The following SH2D3C variants were observed in gnomAD, a reference collection of about 807,000 sequenced individuals.
The protein encoded by SH2D3C is SH2 domain containing 3C, also known as SH2 domain-containing protein 3C.
SH2D3C carries 25 observed loss-of-function variants against 75.2 expected under a neutral mutation model. The observed-to-expected ratio is 0.33, with a 90% CI of 0.24 to 0.46. The LOEUF (loss-of-function observed/expected upper bound fraction) is 0.46, where lower values mean the gene tolerates loss of function less well. SH2D3C is among the 20% of genes least tolerant of loss of function. SH2D3C has a pLI of 1.00. For missense variants in SH2D3C, 933 were observed against 1,165.3 expected (o/e 0.80, Z 2.90); for synonymous variants, 450 against 473.7 (o/e 0.95, Z 0.65).
rs150913096 is a variant in SH2D3C, at chr9:127,741,800, C to T, written c.2076G>A (p.Leu692=). The part of the protein sequence containing the change: ...MFSFAAVMGA[L]DMAQISRLEQ... ...CGGCTCTCAGTACCTGGGCCATGTC[C>T]AGGGCACCCATGACCGCCGCGAAGC... The change falls in exon 9 of 12, where the codon CTG becomes CTA. Residue 692 remains leucine (L), a synonymous_variant. Coordinates refer to ENST00000314830, the MANE Select transcript of SH2D3C (RefSeq NM_170600.3). 18 of 1,612,954 alleles carry T rather than the reference C, an allele frequency of 1.1e-5. No homozygotes were observed. Among genetic ancestry groups the T allele is most frequent in the Non-Finnish European group, 1.4e-5 (16 of 1,179,906 alleles).
intron 3 of SH2D3C, chr9:127,755,090 C>G: frequency 8.3e-7 from 1 of 1,211,568 alleles, no homozygotes; most frequent in Non-Finnish European, 1.0e-6. Context: ...TGCACCTGCA[C>G]GAAGGAGCCG....
In SH2D3C at chr9:127,757,654, T is replaced by G. The variant is rs775026133; in HGVS notation, c.555+3957A>C. Among the ~76,000 whole-genome samples, 102 of 146,752 alleles carry G rather than the reference T, an allele frequency of 7.0e-4. 1 individual carries two copies. The highest frequency in any genetic ancestry group is 4.9e-3 in the South Asian group (23 of 4,652). ...TGATGATGATGATGATGATTATTATTATTATTATTATTATTTTGAGATGGA... is the reference window on the plus strand; with the variant it reads ...TGATGATGATGATGATGATTATTATGATTATTATTATTATTTTGAGATGGA... On this transcript the variant is annotated intron_variant, in intron 3 of 11. Transcript: ENST00000314830.
At chr9:127,776,067 G>A (rs943729940) in intron 1 of SH2D3C, among the ~76,000 whole-genome samples, 2 of 152,050 alleles carry the variant, frequency 1.3e-5, no homozygotes, top group African/African-American at 4.8e-5. Flanking sequence ...GACCTCAAGG[G>A]ATCCACCCAC....
At chr9:127,750,727 A>T (rs1845177505) in intron 4 of SH2D3C, among the ~76,000 whole-genome samples, 1 of 152,218 alleles carries the variant, frequency 6.6e-6, no homozygotes, top group Non-Finnish European at 1.5e-5. Context: ...GGAACAAGTG[A>T]TCTATCAACT....
At position 127,774,071 on chromosome 9, in the gene SH2D3C, T is replaced by A; in HGVS notation, c.434A>T (p.Glu145Val). The A allele has an allele frequency of 6.2e-7, 1 of 1,614,176 alleles. No individual in the cohort carries two copies. The highest frequency in any genetic ancestry group is 1.1e-5 in the South Asian group (1 of 91,078). Residue 145 changes from glutamate to valine, a missense_variant, in exon 2 of 12, where the codon GAG becomes GTG. Transcript: ENST00000314830. The surrounding 1 kb of genome is among the most constrained non-coding windows in gnomAD (Gnocchi z 4.3). ...CTCAGGCTTTCTGATGGGGTCTACC[T>A]CCACTGCTGAAGGGTTGGGTTCCAT... ...PAMEPNPSAV[E>V]VDPIRKPEVP...
At chr9:127,775,290 T>G (rs1845793424) in intron 1 of SH2D3C, among the ~76,000 whole-genome samples, 1 of 151,978 alleles carries the variant, frequency 6.6e-6, no homozygotes, top group South Asian at 2.1e-4. Flanking sequence ...GGTCAAGAGT[T>G]CAAAACCAGC....
intron 2 of SH2D3C, among the ~76,000 whole-genome samples, chr9:127,770,514 C>A (rs1419350054): frequency 6.6e-6 from 1 of 152,146 alleles, no homozygotes; most frequent in Non-Finnish European, 1.5e-5. Context: ...GGCTGCTCCC[C>A]TGACTCCAGG....
chr9:127,762,893 G>A (rs1845562448), intron 2 of SH2D3C, among the ~76,000 whole-genome samples: 1 of 152,238 alleles, frequency 6.6e-6, no homozygotes, highest in African/African-American at 2.4e-5. Flanking sequence ...CTTTGTGAGA[G>A]TAAAGACGGT....
chr9:127,761,001 G>A (rs924830112), intron 3 of SH2D3C, among the ~76,000 whole-genome samples: 3 of 151,942 alleles, frequency 2.0e-5, no homozygotes, highest in African/African-American at 7.3e-5. Context: ...CACCACTTCT[G>A]GCTAATTTTT....
Position 127,745,105 on chromosome 9 carries a change from G to C in SH2D3C, c.1265-6C>G, listed in dbSNP as rs1265341810. 1 of 1,494,306 alleles carries C rather than the reference G, an allele frequency of 6.7e-7. No individual in the cohort carries two copies. Among genetic ancestry groups the C allele is most frequent in the African/African-American group, 1.4e-5 (1 of 71,434 alleles). The allele number at this position is 1,494,306 out of a possible 1,614,324, so 92.6% of individuals were successfully genotyped here. A position where few individuals can be genotyped will look rare whatever the true frequency, so the allele number is the denominator to read the frequency against. ...GGCGGCATGGACACGGGTTACTGCA[G>C]AAAGGTAGAGAGAGAGGCCCCGTTA... On this transcript the variant is annotated splice_polypyrimidine_tract_variant and splice_region_variant and intron_variant, in intron 6 of 11. Coordinates refer to ENST00000314830, the MANE Select transcript of SH2D3C (RefSeq NM_170600.3).
chr9:127,742,071 G>T, intron 8 of SH2D3C, 112 bp from the exon 9 acceptor site: 2 of 1,061,340 alleles, frequency 1.9e-6, no homozygotes, highest in South Asian at 1.6e-5. Flanking sequence ...GAGCCAACGT[G>T]AGAGGTTGTA....
intron 3 of SH2D3C, among the ~76,000 whole-genome samples, chr9:127,759,910 G>A (rs1470896549): frequency 6.6e-6 from 1 of 151,626 alleles, no homozygotes; most frequent in African/African-American, 2.4e-5. Context: ...GTGAACCCGG[G>A]AGGCGGAGCT....
chr9:127,752,401 C>G (rs999498335), intron 3 of SH2D3C, among the ~76,000 whole-genome samples: 2 of 152,110 alleles, frequency 1.3e-5, no homozygotes, highest in African/African-American at 4.8e-5. Flanking sequence ...TCCTCTCCTT[C>G]CCCCACCTCC....
intron 3 of SH2D3C, among the ~76,000 whole-genome samples, chr9:127,757,103 A>AT (rs1169901282): frequency 0.022 from 2,640 of 122,660 alleles, 53 homozygotes; most frequent in African/African-American, 0.051. Flanking sequence ...TGCTTGGCTA[A>AT]TTTTTTTTTT....
At chr9:127,778,509 C>T in intron 1 of SH2D3C, 82 bp downstream of exon 1, 1 of 1,050,632 alleles carries the variant, frequency 9.5e-7, no homozygotes. Context: ...AGAAATGAGA[C>T]AGTGATGAAG....
In SH2D3C at chr9:127,739,237, C is replaced by T. The variant is rs536796419; in HGVS notation, c.2408-316G>A. On this transcript the variant is annotated intron_variant, in intron 11 of 11. Coordinates refer to ENST00000314830, the MANE Select transcript of SH2D3C (RefSeq NM_170600.3). This position sits in a 1 kb window ranked among gnomAD's most constrained non-coding sequence, Gnocchi z 4.3. ...AGATGTATACATTTTAGGCTGGGTG[C>T]GGTGGCTCACACCTGTAATCCCAGC... 4.0e-5 allele frequency among the ~76,000 whole-genome samples: 6 copies of T among 151,898 alleles called. No homozygotes were observed. The highest frequency in any genetic ancestry group is 4.2e-4 in the South Asian group (2 of 4,810).
At chr9:127,763,430 A>C (rs1845574737) in intron 2 of SH2D3C, among the ~76,000 whole-genome samples, 1 of 152,220 alleles carries the variant, frequency 6.6e-6, no homozygotes. Context: ...TGCTTAAAGA[A>C]AAATTAGCCG....
At chr9:127,740,201 T>A (rs2131731093) in intron 10 of SH2D3C, 57 bp downstream of exon 10, 1 of 1,436,138 alleles carries the variant, frequency 7.0e-7, no homozygotes, top group Non-Finnish European at 9.8e-7. Context: ...ATGCTGGGAG[T>A]CTTTGCAACC....
At chr9:127,777,708 C>T (rs1349830410) in intron 1 of SH2D3C, among the ~76,000 whole-genome samples, 3 of 152,016 alleles carry the variant, frequency 2.0e-5, no homozygotes, top group Non-Finnish European at 4.4e-5. Context: ...TCGAGAGACG[C>T]GGTGGGGAGA....
Sources: gnomAD v4.1 joint callset for allele counts (sites outside exome capture counted in the v4.1 genomes callset) on GRCh38, gnomAD v4.1.1 for gene constraint, Gnocchi (gnomAD v3.1) non-coding constraint, MANE v1.5 for transcripts, NCBI Gene and HGNC (gene_info 2026-07-23, HGNC 2026-07-21) for gene names.